The following PDZD4 variants were observed in gnomAD, a reference collection of about 807,000 sequenced individuals.
PDZD4 encodes PDZ domain-containing protein 4.
A neutral mutation model predicts 38.5 loss-of-function variants in PDZD4; 9 were observed. That is an observed-to-expected ratio of 0.23 (90% CI 0.14 to 0.41). The LOEUF (loss-of-function observed/expected upper bound fraction) is 0.41, where lower values mean the gene tolerates loss of function less well. PDZD4 is among the 10% of genes least tolerant of loss of function. The pLI, the probability that PDZD4 is intolerant of heterozygous loss-of-function variation, is 1.00. For missense variants in PDZD4, 612 were observed against 722.0 expected, an observed-to-expected ratio of 0.85 and a Z score of 1.75; for synonymous variants, 349 against 315.7, an observed-to-expected ratio of 1.11 and a Z score of -1.12.
At position 153,807,338 on chromosome X, in the gene PDZD4, C is replaced by T; in HGVS notation, c.346G>A (p.Ala116Thr). 8.3e-7 allele frequency: 1 copy of T among 1,209,756 alleles called. No individual in the cohort carries two copies. Among genetic ancestry groups the T allele is most frequent in the Non-Finnish European group, 1.1e-6 (1 of 894,690 alleles). Residue 116 changes from alanine to threonine, a missense_variant, in exon 3 of 8, where the codon GCG (alanine) becomes ACG (threonine). Ala to Thr is a moderately conservative substitution (Grantham distance 58). Transcript: ENST00000393758. The stretch of plus-strand genomic sequence containing the variant: ...TGCGGGCCGCCCTCCATAAACTCCG[C>T]CGGGTCATAATACTCATGGCTGATT... Reference protein sequence around the residue: ...PPISHEYYDPAEFMEGGPQEA... With the variant: ...PPISHEYYDPTEFMEGGPQEA...
intron 1 of PDZD4, among the ~76,000 whole-genome samples, chrX:153,825,234 C>T (rs2064468808): frequency 8.9e-6 from 1 of 112,321 alleles, no homozygotes; most frequent in Admixed American, 9.4e-5. Flanking sequence ...ACCCACTCCC[C>T]CTGTAAAGCC....
At chrX:153,806,505 C>T (rs1353419911) in intron 4 of PDZD4, among the ~76,000 whole-genome samples, 2 of 112,918 alleles carry the variant, frequency 1.8e-5, no homozygotes, top group African/African-American at 6.4e-5. Context: ...GAAGGCTAGA[C>T]AGCAACCCTG....
At position 153,807,285 on chromosome X, in the gene PDZD4, C is replaced by T; in HGVS notation, c.399G>A (p.Glu133=). 8.3e-7 allele frequency: 1 copy of T among 1,210,223 alleles called. No homozygotes were observed. The highest frequency in any genetic ancestry group is 1.8e-5 in the South Asian group (1 of 56,748). Residue 133 remains glutamate, a synonymous_variant, in exon 3 of 8, where the codon GAG becomes GAA. Coordinates refer to ENST00000393758, the MANE Select transcript of PDZD4 (RefSeq NM_001303512.2). ...PQEADRLDEL[E]YEEVELYKSS... ...GCCTGGCCACCCGGCTCACCTCATA[C>T]TCCAGCTCATCCAAGCGGTCTGCCT...
rs2064277668 is a variant in PDZD4 at position 153,808,488 on chromosome X, G to A, written c.168C>T (p.Leu56=). 1 of 1,210,051 alleles carries A rather than the reference G, an allele frequency of 8.3e-7. No homozygotes were observed. Among genetic ancestry groups the A allele is most frequent in the Admixed American group, 2.2e-5 (1 of 45,991 alleles). ...VIQVLRRSPR[L]RGDSSCHDLQ... The stretch of plus-strand genomic sequence containing the variant: ...GGTCGTGACAGGAGCTGTCCCCCCG[G>A]AGGCGGGGGCTGCGTCTCAGCACCT... The change falls in exon 2 of 8, where the codon CTC becomes CTT. Residue 56 remains leucine (L), a synonymous_variant. Coordinates refer to ENST00000393758, the MANE Select transcript of PDZD4 (RefSeq NM_001303512.2).
In PDZD4 at chrX:153,804,299, T is replaced by C; in HGVS notation, c.1382A>G (p.Asp461Gly). The part of the protein sequence containing the change: ...ASEPKKHELS[D>G]ISELPEKSDK... ...CGACTTCTCGGGCAGCTCGGAGATGTCGGACAGCTCGTGCTTCTTGGGCTC... is the reference window on the plus strand; with the variant it reads ...CGACTTCTCGGGCAGCTCGGAGATGCCGGACAGCTCGTGCTTCTTGGGCTC... The change falls in exon 8 of 8, where the codon GAC becomes GGC. Residue 461 changes from aspartate to glycine, a missense_variant. Physicochemically the swap from Asp to Gly is moderately conservative, Grantham distance 94. Transcript: ENST00000393758. 2 of 1,207,864 alleles carry C rather than the reference T, an allele frequency of 1.7e-6. No homozygotes were observed. The highest frequency in any genetic ancestry group is 1.8e-5 in the South Asian group (1 of 57,026).
At chrX:153,827,566 T>C (rs782179358) in intron 1 of PDZD4, among the ~76,000 whole-genome samples, 3 of 112,775 alleles carry the variant, frequency 2.7e-5, no homozygotes, top group Non-Finnish European at 3.7e-5. Context: ...TATTGATACA[T>C]GGATGAACCT....
intron 1 of PDZD4, among the ~76,000 whole-genome samples, chrX:153,827,941 G>A (rs1371913619): frequency 8.9e-6 from 1 of 112,048 alleles, no homozygotes; most frequent in Non-Finnish European, 1.9e-5. Context: ...AGAGACTTGG[G>A]GGTTCCTGGC....
At chrX:153,807,091 G>C (rs781923667) in intron 3 of PDZD4, among the ~76,000 whole-genome samples, 188 bp downstream of exon 3, 1 of 113,027 alleles carries the variant, frequency 8.8e-6, no homozygotes, top group East Asian at 2.8e-4. Flanking sequence ...ACAGGACACA[G>C]AAGACAGACG....
chrX:153,809,120 C>T (rs73640828), intron 1 of PDZD4, among the ~76,000 whole-genome samples: 2,096 of 112,639 alleles, frequency 0.019, 50 homozygotes, highest in African/African-American at 0.064. Context: ...AATGTCTACT[C>T]ACTAGGGAGG....
intron 1 of PDZD4, among the ~76,000 whole-genome samples, chrX:153,820,349 CAAAAAAAAAA>C (rs140401659): frequency 1.2e-3 from 22 of 18,235 alleles, no homozygotes; most frequent in African/African-American, 6.1e-3. Context: ...GACTCCATCT[CAAAAAAAAAA>C]AAAAAAAAAA....
intron 1 of PDZD4, among the ~76,000 whole-genome samples, chrX:153,809,513 G>A (rs1188815161): frequency 8.9e-6 from 1 of 112,628 alleles, no homozygotes; most frequent in Non-Finnish European, 1.9e-5. Flanking sequence ...CATGAACCCA[G>A]GAGGCGGAGC....
chrX:153,807,943 G>C, intron 2 of PDZD4: 2 of 988,554 alleles, frequency 2.0e-6, no homozygotes, highest in Non-Finnish European at 2.6e-6. Context: ...TCTTCCGGTC[G>C]GGCCAAAGAA....
intron 1 of PDZD4, among the ~76,000 whole-genome samples, chrX:153,816,468 GC>G (rs1206838998): frequency 2.7e-5 from 3 of 109,618 alleles, no homozygotes; most frequent in Non-Finnish European, 5.7e-5. Context: ...GGCTGGAGAT[GC>G]TGGGGGGTGG....
At chrX:153,821,964 C>A (rs1362972293) in intron 1 of PDZD4, among the ~76,000 whole-genome samples, 1 of 110,313 alleles carries the variant, frequency 9.1e-6, no homozygotes, top group Non-Finnish European at 1.9e-5. Context: ...CCGAGGCAGG[C>A]GGATCACTAG....
intron 1 of PDZD4, among the ~76,000 whole-genome samples, chrX:153,821,800 G>A (rs1282969408): frequency 4.5e-5 from 5 of 111,541 alleles, no homozygotes; most frequent in African/African-American, 1.6e-4. Context: ...TTCCCTCCCC[G>A]AAGCCCAGGG....
At chrX:153,811,892 C>T (rs1365304047) in intron 1 of PDZD4, among the ~76,000 whole-genome samples, 2 of 112,100 alleles carry the variant, frequency 1.8e-5, no homozygotes, top group Non-Finnish European at 3.8e-5. Context: ...GGCCTCGACA[C>T]TCTCAGCAGC....
chrX:153,820,691 C>T (rs1557081108), intron 1 of PDZD4, among the ~76,000 whole-genome samples: 2 of 111,823 alleles, frequency 1.8e-5, no homozygotes, highest in Non-Finnish European at 3.8e-5. Flanking sequence ...TTATAGAATG[C>T]GCCAGAGTCT....
chrX:153,820,203 C>T (rs1280941671), intron 1 of PDZD4, among the ~76,000 whole-genome samples: 2 of 109,352 alleles, frequency 1.8e-5, no homozygotes, highest in African/African-American at 3.3e-5. Flanking sequence ...AAAAATTAGC[C>T]GGGCGTGGTG....
At chrX:153,818,574 G>A (rs942219200) in intron 1 of PDZD4, among the ~76,000 whole-genome samples, 3 of 111,591 alleles carry the variant, frequency 2.7e-5, no homozygotes, top group Non-Finnish European at 5.7e-5. Context: ...CCCTGACACT[G>A]AGCCGGTTGG....
Sources: allele counts gnomAD v4.1 joint callset (sites outside exome capture counted in the v4.1 genomes callset), GRCh38; gene constraint gnomAD v4.1.1; transcripts MANE v1.5; gene names NCBI Gene and HGNC (gene_info 2026-07-23, HGNC 2026-07-21).